RALGAPB: variants seen among roughly 807,000 people sequenced by gnomAD.
RALGAPB encodes Ral GTPase activating protein non-catalytic subunit beta, also known as ral GTPase-activating protein subunit beta.
A neutral mutation model predicts 161.1 loss-of-function variants in RALGAPB; 25 were observed. The ratio of observed to expected loss-of-function variants is 0.16; its 90% CI spans 0.11 to 0.22. The LOEUF (loss-of-function observed/expected upper bound fraction) is 0.22. Ranked by LOEUF, RALGAPB falls within the 10% of genes least tolerant of loss-of-function variation. RALGAPB has a pLI of 1.00. For missense variants in RALGAPB, 1,391 were observed against 1,815.2 expected, an observed-to-expected ratio of 0.77 and a Z score of 4.25; for synonymous variants, 629 against 626.1, an observed-to-expected ratio of 1.00 and a Z score of -0.07.
intron 27 of RALGAPB, among the ~76,000 whole-genome samples, chr20:38,570,484 C>G (rs912268150): frequency 2.6e-5 from 4 of 152,200 alleles, no homozygotes; most frequent in Admixed American, 6.5e-5. Flanking sequence ...AAAATCCCAT[C>G]CAGCCCAGAG....
intron 1 of RALGAPB, among the ~76,000 whole-genome samples, chr20:38,474,400 C>T (rs2084744137): frequency 6.6e-6 from 1 of 152,088 alleles, no homozygotes; most frequent in South Asian, 2.1e-4. Flanking sequence ...AGCAGTCCTC[C>T]CACCTCAGCC....
intron 1 of RALGAPB, among the ~76,000 whole-genome samples, chr20:38,486,590 A>G (rs1334915509): frequency 6.6e-6 from 1 of 152,070 alleles, no homozygotes; most frequent in African/African-American, 2.4e-5. Flanking sequence ...TCCCCTGATG[A>G]TTCTTAAGTG....
At chr20:38,511,249 C>G (rs147913643) in intron 6 of RALGAPB, among the ~76,000 whole-genome samples, 8 of 150,810 alleles carry the variant, frequency 5.3e-5, no homozygotes, top group African/African-American at 1.9e-4. Flanking sequence ...CAGACTCTGC[C>G]GAAGATGAGA....
At chr20:38,494,905 G>T (rs2085378090) in intron 3 of RALGAPB, among the ~76,000 whole-genome samples, 1 of 152,126 alleles carries the variant, frequency 6.6e-6, no homozygotes, top group Non-Finnish European at 1.5e-5. Flanking sequence ...TTAGGCTTGT[G>T]CCTTTACTTT....
intron 23 of RALGAPB, among the ~76,000 whole-genome samples, chr20:38,560,872 T>C (rs1417819816): frequency 6.6e-6 from 1 of 152,262 alleles, no homozygotes; most frequent in Non-Finnish European, 1.5e-5. Context: ...TTGATTCACT[T>C]ACTGCTTCTT....
At chr20:38,543,872 G>A (rs940530039) in intron 18 of RALGAPB, among the ~76,000 whole-genome samples, 5 of 152,132 alleles carry the variant, frequency 3.3e-5, no homozygotes, top group Non-Finnish European at 7.3e-5. Context: ...CCTGCTGCAC[G>A]GCATGGAGTT....
rs2087133574 is a variant in RALGAPB, at chr20:38,545,524, C to T, written c.2715-719C>T. Among the ~76,000 whole-genome samples, 4 of 152,224 alleles carry T rather than the reference C, an allele frequency of 2.6e-5. No individual in the cohort carries two copies. The South Asian group carries it at 8.3e-4, about 32-fold the overall frequency. On this transcript the variant is annotated intron_variant, in intron 18 of 29. Transcript: ENST00000262879. Reference sequence around the variant, plus strand: ...TCTCAATGGGAAGACCAGTATTCTACAGCACCACATTTGTCATCTCAACTC... The same window carrying T: ...TCTCAATGGGAAGACCAGTATTCTATAGCACCACATTTGTCATCTCAACTC...
At chr20:38,490,382 G>T (rs1255612813) in intron 2 of RALGAPB, among the ~76,000 whole-genome samples, 3 of 146,370 alleles carry the variant, frequency 2.0e-5, no homozygotes, top group African/African-American at 5.1e-5. Context: ...CTAATTTTTT[G>T]TATTTTTAGT....
intron 2 of RALGAPB, among the ~76,000 whole-genome samples, chr20:38,491,537 T>C (rs1461411817): frequency 6.6e-6 from 1 of 152,228 alleles, no homozygotes; most frequent in African/African-American, 2.4e-5. Flanking sequence ...TGTCTAGATT[T>C]CTTGCTAACA....
intron 1 of RALGAPB, among the ~76,000 whole-genome samples, chr20:38,485,993 GA>G (rs1282199396): frequency 4.3e-5 from 4 of 92,336 alleles, no homozygotes; most frequent in South Asian, 6.9e-4. Flanking sequence ...TTTTGAGATG[GA>G]GTTTTGCTTT....
chr20:38,561,283 C>T (rs1380761735), intron 23 of RALGAPB, among the ~76,000 whole-genome samples: 1 of 152,190 alleles, frequency 6.6e-6, no homozygotes, highest in African/African-American at 2.4e-5. Context: ...GAGATTGCGC[C>T]ACTGCACTCC....
chr20:38,480,743 C>CTT (rs1180974660), intron 1 of RALGAPB, among the ~76,000 whole-genome samples: 1 of 90,026 alleles, frequency 1.1e-5, no homozygotes, highest in African/African-American at 4.1e-5. Context: ...CCGCCCCCCC[C>CTT]TTTTTTTTTT....
At chr20:38,549,553 T>A (rs2087295399) in intron 20 of RALGAPB, among the ~76,000 whole-genome samples, 1 of 128,510 alleles carries the variant, frequency 7.8e-6, no homozygotes, top group South Asian at 2.7e-4. Flanking sequence ...AAAAAAAATA[T>A]ATATATATAT....
chr20:38,530,232 C>T (rs750600075), intron 13 of RALGAPB, among the ~76,000 whole-genome samples: 22 of 152,200 alleles, frequency 1.4e-4, no homozygotes, highest in Non-Finnish European at 3.1e-4. Flanking sequence ...CTCATTAACA[C>T]TTGAGCTCAC....
intron 28 of RALGAPB, among the ~76,000 whole-genome samples, chr20:38,571,122 A>G (rs2088221325): frequency 6.6e-6 from 1 of 152,188 alleles, no homozygotes; most frequent in East Asian, 1.9e-4. Context: ...AGATAAGTAT[A>G]TATGCATGAA....
chr20:38,473,119 C>T lies in RALGAPB; in HGVS notation c.-31+50C>T, dbSNP rs981615635. 2.4e-5 allele frequency: 8 copies of T among 338,578 alleles called. No individual in the cohort carries two copies. In the East Asian group the frequency reaches 3.6e-4, roughly 15 times the overall value. 21.0% of individuals were successfully genotyped at this position (338,578 alleles called of 1,614,324 possible). On this transcript the variant is annotated intron_variant, in intron 1 of 29. Transcript: ENST00000262879. ...CGGCCGGACCCTCCCCTCTCCTTCC[C>T]TCTCTTCCCCACCTGGCGGTCAAGG...
At chr20:38,552,441 G>A (rs1020881947) in intron 21 of RALGAPB, among the ~76,000 whole-genome samples, 6 of 152,062 alleles carry the variant, frequency 3.9e-5, no homozygotes, top group South Asian at 2.1e-4. Context: ...CATCGCACCC[G>A]GCCAGAAAAG....
intron 16 of RALGAPB, chr20:38,538,405 G>A (rs17685840): frequency 0.016 from 3,053 of 191,422 alleles, 43 homozygotes; most frequent in South Asian, 0.06. Context: ...GATACTATTC[G>A]CCATGCCCAT....
intron 16 of RALGAPB, among the ~76,000 whole-genome samples, chr20:38,538,649 A>G (rs2086879052): frequency 1.3e-5 from 2 of 152,244 alleles, no homozygotes; most frequent in South Asian, 4.1e-4. Flanking sequence ...CAGATGACAA[A>G]TAAGCACATG....
Sources: gnomAD v4.1 joint callset for allele counts (sites outside exome capture counted in the v4.1 genomes callset) on GRCh38, gnomAD v4.1.1 for gene constraint, MANE v1.5 for transcripts, NCBI Gene and HGNC (gene_info 2026-07-23, HGNC 2026-07-21) for gene names.